Variants in VSNL1 observed in about 807,000 individuals in gnomAD.
VSNL1 encodes visinin like 1.
VSNL1 carries 6 observed loss-of-function variants against 20.4 expected under a neutral mutation model. That is an observed-to-expected ratio of 0.29 (90% CI 0.16 to 0.58). The LOEUF is 0.58. Among genes scored for constraint, VSNL1 ranks in the 20% least tolerant of loss-of-function variants. VSNL1 has a pLI of 0.90. For synonymous variants in VSNL1, 93 were observed against 86.4 expected, an observed-to-expected ratio of 1.08 and a Z score of -0.42; for missense variants, 100 against 234.5, an observed-to-expected ratio of 0.43 and a Z score of 3.75.
chr2:17,654,042 A>G (rs1666174521), intron 3 of VSNL1, among the ~76,000 whole-genome samples: 1 of 152,150 alleles, frequency 6.6e-6, no homozygotes, highest in Non-Finnish European at 1.5e-5. Flanking sequence ...TAGCATATTC[A>G]TTCTCTTTTG....
intron 1 of VSNL1, among the ~76,000 whole-genome samples, chr2:17,590,219 A>G (rs1216183685): frequency 6.6e-6 from 1 of 152,168 alleles, no homozygotes; most frequent in African/African-American, 2.4e-5. Context: ...CTTAGGTGAG[A>G]TTCTAGTTTA....
chr2:17,588,081 G>C (rs773847049), intron 1 of VSNL1, among the ~76,000 whole-genome samples: 3 of 152,172 alleles, frequency 2.0e-5, no homozygotes, highest in Non-Finnish European at 4.4e-5. Context: ...AACACAAGCA[G>C]TGAGAAATTC....
At chr2:17,563,563 G>GA (rs574799572) in intron 1 of VSNL1, among the ~76,000 whole-genome samples, 12 of 148,722 alleles carry the variant, frequency 8.1e-5, no homozygotes, top group African/African-American at 1.2e-4. Flanking sequence ...AAGTCCTTTT[G>GA]AAAAAAAAAA....
chr2:17,570,961 G>GA (rs984515762), intron 1 of VSNL1, among the ~76,000 whole-genome samples: 4 of 152,060 alleles, frequency 2.6e-5, no homozygotes, highest in African/African-American at 9.7e-5. Flanking sequence ...AGGAGGCGAA[G>GA]ATTGCAGTAA....
chr2:17,647,900 T>C (rs1666033058), intron 2 of VSNL1, among the ~76,000 whole-genome samples: 1 of 152,014 alleles, frequency 6.6e-6, no homozygotes, highest in Non-Finnish European at 1.5e-5. Context: ...TTCTGACGAA[T>C]AATGAAAAAT....
At chr2:17,568,601 ATGTT>A (rs1664010867) in intron 1 of VSNL1, among the ~76,000 whole-genome samples, 1 of 152,178 alleles carries the variant, frequency 6.6e-6, no homozygotes, top group Admixed American at 6.5e-5. Context: ...GCATCCTAGT[ATGTT>A]TGTTGCACCT....
At chr2:17,637,814 T>C (rs1413412345) in intron 2 of VSNL1, among the ~76,000 whole-genome samples, 2 of 152,214 alleles carry the variant, frequency 1.3e-5, no homozygotes, top group Non-Finnish European at 2.9e-5. Context: ...CTGCAGTGCC[T>C]TGCACAGCAC....
chr2:17,543,907 A>G (rs1229203398), intron 1 of VSNL1, among the ~76,000 whole-genome samples: 1 of 152,042 alleles, frequency 6.6e-6, no homozygotes, highest in African/African-American at 2.4e-5. Flanking sequence ...AAATTCTCTG[A>G]GTGCCTATAC....
intron 2 of VSNL1, among the ~76,000 whole-genome samples, chr2:17,603,885 T>A (rs557079361): frequency 6.6e-6 from 1 of 152,174 alleles, no homozygotes; most frequent in Non-Finnish European, 1.5e-5. Flanking sequence ...GGAGCTTGCA[T>A]TGTGCCTTCA....
chr2:17,648,464 C>G (rs143047778), intron 2 of VSNL1, among the ~76,000 whole-genome samples: 91 of 152,348 alleles, frequency 6.0e-4, no homozygotes, highest in African/African-American at 1.6e-3. Context: ...CAATGAGCAA[C>G]CTCAGTAATC....
chr2:17,629,691 C>G (rs1665589498), intron 2 of VSNL1, among the ~76,000 whole-genome samples: 1 of 152,238 alleles, frequency 6.6e-6, no homozygotes. Context: ...CTGGAGGCAC[C>G]TCGTCCACTC....
At chr2:17,610,558 C>A (rs757948482) in intron 2 of VSNL1, among the ~76,000 whole-genome samples, 27 of 152,106 alleles carry the variant, frequency 1.8e-4, no homozygotes, top group Non-Finnish European at 3.7e-4. Flanking sequence ...CAGTCCTAGT[C>A]CGCAAAATCA....
At chr2:17,597,536 A>G (rs1664737621) in intron 2 of VSNL1, among the ~76,000 whole-genome samples, 1 of 152,184 alleles carries the variant, frequency 6.6e-6, no homozygotes. Flanking sequence ...CAGGTGAGAG[A>G]GCCCTAGAGT....
chr2:17,563,708 G>A (rs760132479), intron 1 of VSNL1, among the ~76,000 whole-genome samples: 7 of 151,924 alleles, frequency 4.6e-5, no homozygotes, highest in East Asian at 3.9e-4. Context: ...CCAGCCTGGC[G>A]ACAGAGTGAG....
intron 1 of VSNL1, among the ~76,000 whole-genome samples, chr2:17,580,737 G>A (rs551950730): frequency 2.0e-5 from 3 of 152,276 alleles, no homozygotes; most frequent in South Asian, 2.1e-4. Flanking sequence ...TTTCCAGGCC[G>A]TGTCAGGAAA....
At chr2:17,544,972 C>T (rs1027734037) in intron 1 of VSNL1, among the ~76,000 whole-genome samples, 6 of 152,114 alleles carry the variant, frequency 3.9e-5, no homozygotes, top group African/African-American at 1.4e-4. Flanking sequence ...TAATCCATCC[C>T]TCCAATCCAT....
In VSNL1 at chr2:17,648,339, C is replaced by T. The variant is rs117188317; in HGVS notation, c.163-1071C>T. ...AGGTCAGGATGCACAGTGAGAAAGA[C>T]GGACCGAGGGCTCCTCGAGGTAGAT... On this transcript the variant is annotated intron_variant, in intron 2 of 3. Transcript: ENST00000295156. 3.0e-4 allele frequency among the ~76,000 whole-genome samples: 45 copies of T among 152,310 alleles called. No homozygotes were observed. The East Asian group carries it at 7.1e-3, about 24-fold the overall frequency.
intron 1 of VSNL1, among the ~76,000 whole-genome samples, chr2:17,570,120 G>A (rs766423092): frequency 6.6e-5 from 10 of 152,192 alleles, no homozygotes; most frequent in Admixed American, 2.0e-4. Flanking sequence ...ATGAAATACA[G>A]TGAAGAGATT....
At chr2:17,590,053 G>A (rs1446572880) in intron 1 of VSNL1, among the ~76,000 whole-genome samples, 1 of 152,150 alleles carries the variant, frequency 6.6e-6, no homozygotes, top group Non-Finnish European at 1.5e-5. Flanking sequence ...TGCATTAATT[G>A]TATGCTCTTA....
Sources: allele counts gnomAD v4.1 joint callset (sites outside exome capture counted in the v4.1 genomes callset), GRCh38; gene constraint gnomAD v4.1.1; transcripts MANE v1.5; gene names NCBI Gene and HGNC (gene_info 2026-07-23, HGNC 2026-07-21).